The following SORCS2 variants were observed in gnomAD, a reference collection of about 807,000 sequenced individuals.
SORCS2 encodes the protein VPS10 domain-containing receptor SorCS2.
A neutral mutation model predicts 141.6 loss-of-function variants in SORCS2; 100 were observed. The observed-to-expected ratio is 0.71, with a 90% CI of 0.60 to 0.83. The LOEUF (loss-of-function observed/expected upper bound fraction) is 0.83, where lower values mean the gene tolerates loss of function less well. Among genes scored for constraint, SORCS2 ranks in the 40% least tolerant of loss-of-function variants. The pLI is 0.00. For synonymous variants in SORCS2, 789 were observed against 676.9 expected (o/e 1.17, Z -2.57); for missense variants, 1,646 against 1,560.2 (o/e 1.05, Z -0.93).
chr4:7,435,774 G>A (rs934110863), intron 2 of SORCS2, among the ~76,000 whole-genome samples: 3 of 152,252 alleles, frequency 2.0e-5, no homozygotes, highest in East Asian at 1.9e-4. Context: ...GGGTGAGCAC[G>A]CACAGGCGCC....
intron 25 of SORCS2, among the ~76,000 whole-genome samples, chr4:7,736,730 T>C (rs1462145149): frequency 1.3e-5 from 2 of 151,980 alleles, no homozygotes; most frequent in African/African-American, 2.4e-5. Context: ...TGGCCAGGCA[T>C]GGGGGGTCGG....
intron 3 of SORCS2, among the ~76,000 whole-genome samples, chr4:7,535,151 C>T (rs912729522): frequency 3.3e-5 from 5 of 152,222 alleles, no homozygotes; most frequent in Admixed American, 2.6e-4. Flanking sequence ...TCTCACCTCT[C>T]CCTGCCCACC....
chr4:7,248,554 G>C lies in SORCS2; in HGVS notation c.480+55428G>C, dbSNP rs936951509. On this transcript the variant is annotated intron_variant, in intron 1 of 26. Transcript: ENST00000507866. ...AAAAGCCTTCTGGAACAGTAGTGAT[G>C]ATCACTGTCATCGTGTGTGACCCTG... 1.1e-4 allele frequency among the ~76,000 whole-genome samples: 16 copies of C among 152,208 alleles called. 1 individual carries two copies. The highest frequency in any genetic ancestry group is 3.4e-4 in the African/African-American group (14 of 41,450).
At chr4:7,500,462 C>G (rs539961226) in intron 2 of SORCS2, among the ~76,000 whole-genome samples, 2 of 152,154 alleles carry the variant, frequency 1.3e-5, no homozygotes, top group Non-Finnish European at 2.9e-5. Context: ...GTGCTACCCA[C>G]ACTGAAGGCC....
intron 1 of SORCS2, among the ~76,000 whole-genome samples, chr4:7,221,604 T>C (rs778745179): frequency 1.3e-5 from 2 of 152,208 alleles, no homozygotes; most frequent in Non-Finnish European, 2.9e-5. Context: ...CACCCAGCCC[T>C]TAACATGCTT....
At chr4:7,698,315 C>A (rs1396008405) in intron 12 of SORCS2, among the ~76,000 whole-genome samples, 3 of 152,228 alleles carry the variant, frequency 2.0e-5, no homozygotes, top group South Asian at 4.1e-4. Context: ...CCACGGCCCC[C>A]CTCCCACACA....
intron 1 of SORCS2, among the ~76,000 whole-genome samples, chr4:7,255,869 GGGCCCCGGGGCT>G (rs1376119788): frequency 3.1e-3 from 28 of 8,962 alleles, no homozygotes; most frequent in African/African-American, 0.013. Flanking sequence ...CTGGAGCGTG[GGGCCCCGGGGCT>G]GGAGCGTGGG....
intron 2 of SORCS2, among the ~76,000 whole-genome samples, chr4:7,418,059 G>A (rs547494442): frequency 2.6e-5 from 4 of 152,302 alleles, no homozygotes; most frequent in South Asian, 4.1e-4. Flanking sequence ...CCATCAGCTG[G>A]AGGCTCTTAC....
rs1363813286 is a variant in SORCS2 at position 7,663,006 on chromosome 4, A to T, written c.953-1347A>T. On this transcript the variant is annotated intron_variant, in intron 6 of 26. Coordinates refer to ENST00000507866, the MANE Select transcript of SORCS2 (RefSeq NM_020777.3). The surrounding 1 kb of genome is among the most constrained non-coding windows in gnomAD (Gnocchi z 4.8). ...AGTGAGTGAGTGAGCGAGTGAGTGG[A>T]TGAGTGAGTGGGTGAATGAGTGAAT... is the stretch of plus-strand genomic sequence containing the variant. Among the ~76,000 whole-genome samples the T allele has an allele frequency of 6.7e-6, 1 of 149,188 alleles. No individual in the cohort carries two copies. Among genetic ancestry groups the T allele is most frequent in the African/African-American group, 2.5e-5 (1 of 40,290 alleles).
chr4:7,365,593 G>A (rs1721832911), intron 1 of SORCS2, among the ~76,000 whole-genome samples: 2 of 152,170 alleles, frequency 1.3e-5, no homozygotes, highest in Admixed American at 1.3e-4. Context: ...ACAGAGACAC[G>A]TGGGGTCCCT....
chr4:7,549,557 G>C (rs1713525055), intron 3 of SORCS2, among the ~76,000 whole-genome samples: 1 of 152,170 alleles, frequency 6.6e-6, no homozygotes, highest in Non-Finnish European at 1.5e-5. Context: ...TGCTGGCCAT[G>C]GGCCACTGGG....
At chr4:7,505,465 C>T (rs62280186) in intron 2 of SORCS2, among the ~76,000 whole-genome samples, 19,883 of 152,100 alleles carry the variant, frequency 0.13, 2,001 homozygotes, top group African/African-American at 0.28. Context: ...AGGATGGCTC[C>T]AGCTCACAGG....
At chr4:7,381,704 T>G (rs891811583) in intron 1 of SORCS2, among the ~76,000 whole-genome samples, 6 of 152,218 alleles carry the variant, frequency 3.9e-5, no homozygotes, top group Non-Finnish European at 7.3e-5. Context: ...CCTCCCCAGA[T>G]GTCCTCTGGA....
At chr4:7,548,046 C>T (rs536683115) in intron 3 of SORCS2, among the ~76,000 whole-genome samples, 1 of 152,324 alleles carries the variant, frequency 6.6e-6, no homozygotes, top group African/African-American at 2.4e-5. Flanking sequence ...TAGGATCACA[C>T]TCCTTTGTGC....
At position 7,712,688 on chromosome 4, in the gene SORCS2, T is replaced by C. The variant is rs1725903270; in HGVS notation, c.1869-45T>C. 3.7e-6 allele frequency: 6 copies of C among 1,612,798 alleles called. No homozygotes were observed. In the East Asian group the frequency reaches 1.3e-4, roughly 36 times the overall value. On this transcript the variant is annotated intron_variant, in intron 14 of 26. Transcript: ENST00000507866. ...ATGATTTGCACAGTAGGACAAGGCC[T>C]AATGAAGGTGGTTTTCTCTCCCTTC...
At chr4:7,228,707 C>T (rs1711583175) in intron 1 of SORCS2, among the ~76,000 whole-genome samples, 1 of 152,212 alleles carries the variant, frequency 6.6e-6, no homozygotes, top group South Asian at 2.1e-4. Flanking sequence ...CGCAGCTTCT[C>T]TGTGGTCAGG....
At chr4:7,699,498 A>G (rs1033509754) in intron 12 of SORCS2, among the ~76,000 whole-genome samples, 3 of 152,036 alleles carry the variant, frequency 2.0e-5, no homozygotes, top group African/African-American at 7.3e-5. Flanking sequence ...TCAGTACCAA[A>G]GGGAAATTGC....
At chr4:7,616,359 A>T (rs879342929) in intron 3 of SORCS2, among the ~76,000 whole-genome samples, 39 of 152,164 alleles carry the variant, frequency 2.6e-4, no homozygotes, top group Non-Finnish European at 4.9e-4. Flanking sequence ...CCACCTATTC[A>T]TCCACCTATC....
At chr4:7,416,649 CAT>C (rs1363631738) in intron 2 of SORCS2, among the ~76,000 whole-genome samples, 2 of 148,602 alleles carry the variant, frequency 1.3e-5, no homozygotes, top group East Asian at 1.9e-4. Context: ...CAAGCACACA[CAT>C]GCATGCATGC....
Sources: gnomAD v4.1 joint callset for allele counts (sites outside exome capture counted in the v4.1 genomes callset) on GRCh38, gnomAD v4.1.1 for gene constraint, Gnocchi (gnomAD v3.1) non-coding constraint, MANE v1.5 for transcripts, NCBI Gene and HGNC (gene_info 2026-07-23, HGNC 2026-07-21) for gene names.